FAM135B: variants seen among roughly 807,000 people sequenced by gnomAD.
The protein encoded by FAM135B is family with sequence similarity 135 member B.
FAM135B carries 43 observed loss-of-function variants against 127.7 expected under a neutral mutation model. That is an observed-to-expected ratio of 0.34 (90% CI 0.26 to 0.43). The LOEUF (loss-of-function observed/expected upper bound fraction) is 0.43. Among genes scored for constraint, FAM135B ranks in the 20% least tolerant of loss-of-function variants. FAM135B has a pLI of 1.00. For missense variants in FAM135B, 1,558 were observed against 1,725.6 expected (o/e 0.90, Z 1.72); for synonymous variants, 670 against 665.1 (o/e 1.01, Z -0.11).
chr8:138,372,787 C>T (rs77050353), intron 1 of FAM135B, among the ~76,000 whole-genome samples: 4,826 of 152,088 alleles, frequency 0.032, 153 homozygotes, highest in East Asian at 0.17. Flanking sequence ...TTGGTTTTCA[C>T]TCACTAAAAA....
At chr8:138,269,994 A>G (rs1823251609) in intron 3 of FAM135B, among the ~76,000 whole-genome samples, 2 of 152,158 alleles carry the variant, frequency 1.3e-5, no homozygotes, top group African/African-American at 4.8e-5. Context: ...GGCAGAAGAG[A>G]AAGCCACTTT....
intron 2 of FAM135B, among the ~76,000 whole-genome samples, chr8:138,315,113 T>C (rs537963417): frequency 6.6e-6 from 1 of 151,972 alleles, no homozygotes; most frequent in South Asian, 2.1e-4. Flanking sequence ...TGCAACTCAA[T>C]AGCAGTAATA....
At chr8:138,145,573 C>G (rs1410416608) in intron 15 of FAM135B, among the ~76,000 whole-genome samples, 1 of 152,142 alleles carries the variant, frequency 6.6e-6, no homozygotes, top group African/African-American at 2.4e-5. Context: ...CTTCTCTCTC[C>G]GTCAACATCT....
intron 16 of FAM135B, 64 bp downstream of exon 16, chr8:138,142,948 C>G (rs767243301): frequency 8.2e-5 from 69 of 842,076 alleles, no homozygotes; most frequent in Non-Finnish European, 1.3e-4. Context: ...TGCTTTTATA[C>G]AGCAAACACT....
intron 1 of FAM135B, among the ~76,000 whole-genome samples, chr8:138,469,017 CT>C (rs1250861771): frequency 6.6e-6 from 1 of 151,210 alleles, no homozygotes; most frequent in Non-Finnish European, 1.5e-5. Context: ...GCGCTCCAGC[CT>C]GGGCGACAGA....
chr8:138,410,461 A>C (rs559026492), intron 1 of FAM135B, among the ~76,000 whole-genome samples: 5 of 152,334 alleles, frequency 3.3e-5, no homozygotes, highest in African/African-American at 1.2e-4. Context: ...CAAGGGACTG[A>C]GGGAAGCTTC....
At chr8:138,148,971 G>A (rs1817885813) in intron 13 of FAM135B, 2 of 135,820 alleles carry the variant, frequency 1.5e-5, no homozygotes, top group Admixed American at 8.0e-5. Flanking sequence ...CGCACACCGG[G>A]GACTGTTGTG....
chr8:138,310,931 A>T lies in FAM135B; in HGVS notation c.78-11T>A. On this transcript the variant is annotated splice_polypyrimidine_tract_variant and intron_variant, in intron 2 of 19. Coordinates refer to ENST00000395297, the MANE Select transcript of FAM135B (RefSeq NM_015912.4). ...CGGATCTGGTAATACCTAAGAAAAG[A>T]GAAGAGGACAGGGTGCTGAAGATCA... is the stretch of plus-strand genomic sequence containing the variant. The T allele has an allele frequency of 6.2e-7, 1 of 1,608,514 alleles. No homozygotes were observed. The highest frequency in any genetic ancestry group is 8.5e-7 in the Non-Finnish European group (1 of 1,176,558).
chr8:138,182,328 GT>G (rs1815127499), intron 9 of FAM135B, among the ~76,000 whole-genome samples: 1 of 152,192 alleles, frequency 6.6e-6, no homozygotes, highest in Admixed American at 6.5e-5. Flanking sequence ...GCTTGGAAGG[GT>G]TTTTTCCAGA....
At chr8:138,222,675 GGTGT>G (rs1174115113) in intron 7 of FAM135B, among the ~76,000 whole-genome samples, 8 of 131,700 alleles carry the variant, frequency 6.1e-5, no homozygotes, top group African/African-American at 2.4e-4. Context: ...TTTTGTTGGT[GGTGT>G]TTTTTTTTTT....
Position 138,273,858 on chromosome 8 carries a change from C to T in FAM135B, c.158-8016G>A, listed in dbSNP as rs138075958. 9.5e-3 allele frequency among the ~76,000 whole-genome samples: 1,440 copies of T among 152,194 alleles called. 11 individuals are homozygous for T. Among genetic ancestry groups the T allele is most frequent in the Non-Finnish European group, 0.013 (856 of 68,012 alleles). ...AGGTCATGGTCCCAATTATTTTCTC[C>T]GTTACTAGCTGTGCTCCTTCCCTAG... On this transcript the variant is annotated intron_variant, in intron 3 of 19. Coordinates refer to ENST00000395297, the MANE Select transcript of FAM135B (RefSeq NM_015912.4).
intron 1 of FAM135B, among the ~76,000 whole-genome samples, chr8:138,395,500 C>T (rs1379193648): frequency 6.6e-6 from 1 of 152,200 alleles, no homozygotes; most frequent in Non-Finnish European, 1.5e-5. Flanking sequence ...GACCTTTGCA[C>T]TATCTCCTAA....
chr8:138,417,072 T>C (rs1834204279), intron 1 of FAM135B, among the ~76,000 whole-genome samples: 1 of 152,160 alleles, frequency 6.6e-6, no homozygotes, highest in East Asian at 1.9e-4. Context: ...TTAGAGAATA[T>C]GGCTTGGGAA....
chr8:138,378,339 A>G (rs1831616895), intron 1 of FAM135B, among the ~76,000 whole-genome samples: 1 of 152,240 alleles, frequency 6.6e-6, no homozygotes, highest in South Asian at 2.1e-4. Flanking sequence ...CAAGCAATAC[A>G]GAGGCCAACC....
At chr8:138,355,514 C>T (rs1830039448) in intron 2 of FAM135B, among the ~76,000 whole-genome samples, 1 of 152,114 alleles carries the variant, frequency 6.6e-6, no homozygotes, top group Admixed American at 6.5e-5. Context: ...AAAAAGGGGA[C>T]CATGATCACT....
At chr8:138,198,996 G>A (rs940631979) in intron 7 of FAM135B, among the ~76,000 whole-genome samples, 1 of 152,110 alleles carries the variant, frequency 6.6e-6, no homozygotes, top group African/African-American at 2.4e-5. Flanking sequence ...TGGAAGAAAC[G>A]CCAGGTGAGG....
intron 6 of FAM135B, among the ~76,000 whole-genome samples, chr8:138,248,244 A>AT (rs761657814): frequency 6.6e-6 from 1 of 152,228 alleles, no homozygotes; most frequent in Non-Finnish European, 1.5e-5. Flanking sequence ...CCTAAAAACC[A>AT]TCCCTTTAAT....
At chr8:138,372,837 G>A (rs77822499) in intron 1 of FAM135B, among the ~76,000 whole-genome samples, 2 of 152,004 alleles carry the variant, frequency 1.3e-5, no homozygotes, top group African/African-American at 4.8e-5. Flanking sequence ...CCTGCCCTGT[G>A]CTGGGAGCTT....
At chr8:138,174,562 GC>G (rs1814254006) in intron 11 of FAM135B, among the ~76,000 whole-genome samples, 2 of 152,058 alleles carry the variant, frequency 1.3e-5, no homozygotes, top group African/African-American at 4.8e-5. Context: ...TGATGACCTG[GC>G]AAAAAGTTTA....
Sources: allele counts gnomAD v4.1 joint callset (sites outside exome capture counted in the v4.1 genomes callset), GRCh38; gene constraint gnomAD v4.1.1; transcripts MANE v1.5; gene names NCBI Gene and HGNC (gene_info 2026-07-23, HGNC 2026-07-21).